Variants in SLC7A6 observed in about 807,000 individuals in gnomAD.
SLC7A6 encodes Y+L amino acid transporter 2.
A neutral mutation model predicts 46.6 loss-of-function variants in SLC7A6; 29 were observed. That is an observed-to-expected ratio of 0.62 (90% CI 0.46 to 0.85). The LOEUF (loss-of-function observed/expected upper bound fraction) is 0.85, where lower values mean the gene tolerates loss of function less well. Ranked by LOEUF, SLC7A6 falls within the 40% of genes least tolerant of loss-of-function variation. SLC7A6 has a pLI of 0.00. For synonymous variants in SLC7A6, 276 were observed against 257.3 expected (o/e 1.07, Z -0.70); for missense variants, 527 against 647.6 (o/e 0.81, Z 2.02).
chr16:68,293,437 G>A (rs1402505025), intron 7 of SLC7A6, among the ~76,000 whole-genome samples: 1 of 152,028 alleles, frequency 6.6e-6, no homozygotes, highest in Non-Finnish European at 1.5e-5. Context: ...AATAAAAAAA[G>A]TAGTGTCACC....
chr16:68,269,294 G>C (rs2042585402), intron 2 of SLC7A6, among the ~76,000 whole-genome samples: 1 of 152,206 alleles, frequency 6.6e-6, no homozygotes, highest in East Asian at 1.9e-4. Context: ...ATAGTGGGTT[G>C]TTTTTCTTGC....
chr16:68,269,780 G>T (rs1596966499), intron 2 of SLC7A6, among the ~76,000 whole-genome samples: 2 of 151,632 alleles, frequency 1.3e-5, no homozygotes, highest in South Asian at 4.2e-4. Context: ...AAGAAAAAAG[G>T]TCTCACTCGG....
chr16:68,290,647 CTT>C, intron 5 of SLC7A6, 107 bp downstream of exon 5: 1 of 1,286,894 alleles, frequency 7.8e-7, no homozygotes. Flanking sequence ...CTCCTCCCCT[CTT>C]CTCCCTACTC....
intron 3 of SLC7A6, chr16:68,287,243 G>T: frequency 9.3e-7 from 1 of 1,078,774 alleles, no homozygotes. Context: ...TTCCCAAAGT[G>T]CTGGGATTAC....
At chr16:68,292,808 T>C (rs1215904601) in intron 7 of SLC7A6, 1 of 152,230 alleles carries the variant, frequency 6.6e-6, no homozygotes, top group Non-Finnish European at 1.5e-5. Flanking sequence ...CCTCATCCTA[T>C]TGGACCTCTG....
chr16:68,291,051 A>T, intron 5 of SLC7A6, 158 bp from the exon 6 acceptor site: 1 of 860,300 alleles, frequency 1.2e-6, no homozygotes, highest in Admixed American at 2.4e-5. Flanking sequence ...GTCTTTCTCA[A>T]TAGAAAGAAC....
Position 68,301,175 on chromosome 16 carries a change from G to A in SLC7A6, c.*3847G>A, listed in dbSNP as rs1212506634. On this transcript the variant is annotated 3_prime_UTR_variant, in exon 11 of 11. Coordinates refer to ENST00000219343, the MANE Select transcript of SLC7A6 (RefSeq NM_003983.6). Reference sequence around the variant, plus strand: ...GCTTGATATGCTTTTCCTTCCACATGTTAAGCTAGGAAACCTAACAGGATG... The same window carrying A: ...GCTTGATATGCTTTTCCTTCCACATATTAAGCTAGGAAACCTAACAGGATG... 2 of 1,505,436 alleles carry A rather than the reference G, an allele frequency of 1.3e-6. No homozygotes were observed. The highest frequency in any genetic ancestry group is 1.4e-5 in the African/African-American group (1 of 71,968). 93.3% of individuals were successfully genotyped at this position (1,505,436 alleles called of 1,614,324 possible).
At chr16:68,268,695 A>C (rs1311719691) in intron 2 of SLC7A6, among the ~76,000 whole-genome samples, 1 of 152,202 alleles carries the variant, frequency 6.6e-6, no homozygotes, top group African/African-American at 2.4e-5. Context: ...AGACTGCAGG[A>C]ATTTAAAATT....
chr16:68,275,857 G>A (rs2151217395), intron 3 of SLC7A6, among the ~76,000 whole-genome samples: 1 of 151,784 alleles, frequency 6.6e-6, no homozygotes, highest in African/African-American at 2.4e-5. Context: ...TATTTGTCTT[G>A]ACAGCTGTTT....
chr16:68,301,141 G>A lies in SLC7A6; in HGVS notation c.*3813G>A, dbSNP rs573386363. 25 of 1,445,988 alleles carry A rather than the reference G, an allele frequency of 1.7e-5. No homozygotes were observed. The highest frequency in any genetic ancestry group is 2.9e-5 in the African/African-American group (2 of 70,062). The allele number at this position is 1,445,988 out of a possible 1,614,324, so 89.6% of individuals were successfully genotyped here. ...GTTTTCACTGTGGTGGGATGGTGCC[G>A]CCCGATATGCTTGATATGCTTTTCC... On this transcript the variant is annotated 3_prime_UTR_variant, in exon 11 of 11. Transcript: ENST00000219343.
chr16:68,277,925 CTATTAT>C (rs34693926), intron 3 of SLC7A6, among the ~76,000 whole-genome samples: 5 of 148,092 alleles, frequency 3.4e-5, no homozygotes, highest in South Asian at 4.3e-4. Flanking sequence ...CATGCCTGGC[CTATTAT>C]TATTATTATT....
At position 68,290,551 on chromosome 16, in the gene SLC7A6, G is replaced by C. The variant is rs777512092; in HGVS notation, c.794+11G>C. On this transcript the variant is annotated intron_variant, in intron 5 of 10. Transcript: ENST00000219343. ...CAAAAACCCAGAAAGGTAAAGATGGGATCACACTCTCACTCCCCAGCTTGG... is the reference window on the plus strand; with the variant it reads ...CAAAAACCCAGAAAGGTAAAGATGGCATCACACTCTCACTCCCCAGCTTGG... 1 of 1,613,866 alleles carries C rather than the reference G, an allele frequency of 6.2e-7. No individual in the cohort carries two copies. Among genetic ancestry groups the C allele is most frequent in the African/African-American group, 1.3e-5 (1 of 74,900 alleles).
chr16:68,267,564 T>C (rs773884467), intron 2 of SLC7A6, among the ~76,000 whole-genome samples: 30 of 152,284 alleles, frequency 2.0e-4, no homozygotes, highest in Admixed American at 3.3e-4. Flanking sequence ...TTCACCATAG[T>C]TAAGATTTTG....
At chr16:68,294,176 G>A (rs1232554175) in intron 7 of SLC7A6, among the ~76,000 whole-genome samples, 5 of 152,128 alleles carry the variant, frequency 3.3e-5, no homozygotes, top group African/African-American at 7.2e-5. Flanking sequence ...TTATAGGCAT[G>A]AGCCACCATG....
At position 68,291,669 on chromosome 16, in the gene SLC7A6, GTC is replaced by G. The variant is rs780880523; in HGVS notation, c.1022+12_1022+13del. 1.4e-5 allele frequency: 22 copies of G among 1,611,424 alleles called. No individual in the cohort carries two copies. The Admixed American group carries it at 1.5e-4, about 11-fold the overall frequency. The stretch of plus-strand genomic sequence containing the variant: ...CATCTTTGCTTCATCAAGGTACTGT[GTC>G]TCTGTGTCACTGATAATAGACCACA... On this transcript the variant is annotated intron_variant, in intron 7 of 10. Coordinates refer to ENST00000219343, the MANE Select transcript of SLC7A6 (RefSeq NM_003983.6).
chr16:68,297,473 A>T lies in SLC7A6; in HGVS notation c.*145A>T. 3 of 464,898 alleles carry T rather than the reference A, an allele frequency of 6.5e-6. No individual in the cohort carries two copies. The highest frequency in any genetic ancestry group is 3.8e-5 in the Admixed American group (1 of 26,426). The allele number at this position is 464,898 out of a possible 1,614,324, so 28.8% of individuals were successfully genotyped here. A position where few individuals can be genotyped will look rare whatever the true frequency, so the allele number is the denominator to read the frequency against. On this transcript the variant is annotated 3_prime_UTR_variant, in exon 11 of 11. Transcript: ENST00000219343. ...GGGCTCAGGGCCAGTGCTCACTCTTATTGGTAAGCTATAGGAGACTCAGGA... is the reference window on the plus strand; with the variant it reads ...GGGCTCAGGGCCAGTGCTCACTCTTTTTGGTAAGCTATAGGAGACTCAGGA...
Position 68,287,891 on chromosome 16 carries a change from G to T in SLC7A6, c.649+20G>T, listed in dbSNP as rs772841731. On this transcript the variant is annotated intron_variant, in intron 4 of 10. Coordinates refer to ENST00000219343, the MANE Select transcript of SLC7A6 (RefSeq NM_003983.6). ...GCCAGGGTAAGTGGTGGGAAGGGGG[G>T]TACCACCAACAGTTCCTCTGGATTC... 2 of 1,610,714 alleles carry T rather than the reference G, an allele frequency of 1.2e-6. No individual in the cohort carries two copies. The highest frequency in any genetic ancestry group is 1.7e-6 in the Non-Finnish European group (2 of 1,177,772).
At position 68,287,201 on chromosome 16, in the gene SLC7A6, C is replaced by G; in HGVS notation, c.524-545C>G. On this transcript the variant is annotated intron_variant, in intron 3 of 10. Transcript: ENST00000219343. ...CCATGTTGCCCAGGCTGGTCTCTAA[C>G]TCCTGGGCTCACATGATCCATCTGC... 3 of 663,120 alleles carry G rather than the reference C, an allele frequency of 4.5e-6. No homozygotes were observed. In the East Asian group the frequency reaches 2.0e-4, roughly 45 times the overall value. 41.1% of individuals were successfully genotyped at this position (663,120 alleles called of 1,614,324 possible).
At position 68,296,555 on chromosome 16, in the gene SLC7A6, C is replaced by T. The variant is rs745699237; in HGVS notation, c.1269+42C>T. 15 of 1,613,736 alleles carry T rather than the reference C, an allele frequency of 9.3e-6. No homozygotes were observed. In the Admixed American group the frequency reaches 2.3e-4, roughly 25 times the overall value. The stretch of plus-strand genomic sequence containing the variant: ...AGACTAGGAGGGGTGGGCCATCTCC[C>T]TAAGGTGGCTTCTTGCCCACGAGCT... On this transcript the variant is annotated intron_variant, in intron 9 of 10. Coordinates refer to ENST00000219343, the MANE Select transcript of SLC7A6 (RefSeq NM_003983.6).
Sources: allele counts gnomAD v4.1 joint callset (sites outside exome capture counted in the v4.1 genomes callset), GRCh38; gene constraint gnomAD v4.1.1; transcripts MANE v1.5; gene names NCBI Gene and HGNC (gene_info 2026-07-23, HGNC 2026-07-21).